The following KANSL1 variants were observed in gnomAD, a reference collection of about 807,000 sequenced individuals.
The protein encoded by KANSL1 is MLL1/MLL complex subunit KANSL1.
KANSL1 carries 22 observed loss-of-function variants against 103.6 expected under a neutral mutation model. The ratio of observed to expected loss-of-function variants is 0.21; its 90% CI spans 0.15 to 0.30. The LOEUF (loss-of-function observed/expected upper bound fraction) is 0.30, where lower values mean the gene tolerates loss of function less well. Among genes scored for constraint, KANSL1 ranks in the 10% least tolerant of loss-of-function variants. The probability of loss-of-function intolerance (pLI) is 1.00; values close to 1 mark genes in which losing one functional copy is unlikely to be tolerated. For missense variants in KANSL1, 1,337 were observed against 1,399.8 expected (o/e 0.96, Z 0.72); for synonymous variants, 600 against 527.6 (o/e 1.14, Z -1.88).
chr17:46,032,784 T>C (rs904603605), intron 13 of KANSL1, among the ~76,000 whole-genome samples: 3 of 152,100 alleles, frequency 2.0e-5, no homozygotes, highest in African/African-American at 7.2e-5. Context: ...GCTCCCCGGG[T>C]TGAATCACCA....
chr17:46,119,407 A>G (rs1250936321), intron 2 of KANSL1, among the ~76,000 whole-genome samples: 4 of 151,668 alleles, frequency 2.6e-5, no homozygotes, highest in East Asian at 1.9e-4. Flanking sequence ...TCCCAGGTTC[A>G]ACTGATCTCG....
intron 6 of KANSL1, among the ~76,000 whole-genome samples, chr17:46,063,917 T>C (rs2078272057): frequency 6.8e-6 from 1 of 147,124 alleles, no homozygotes; most frequent in South Asian, 2.1e-4. Context: ...TTTTTTAAAA[T>C]GTAAAAGCAT....
intron 5 of KANSL1, 41 bp from the exon 6 acceptor site, chr17:46,066,773 GAAAC>G: frequency 7.0e-7 from 1 of 1,423,698 alleles, no homozygotes; most frequent in Non-Finnish European, 9.7e-7. Flanking sequence ...AACACACAAA[GAAAC>G]AAAATAAATA....
chr17:46,071,203 T>C (rs896291845), intron 4 of KANSL1, among the ~76,000 whole-genome samples: 2 of 152,140 alleles, frequency 1.3e-5, no homozygotes, highest in African/African-American at 4.8e-5. Flanking sequence ...AGGCAACACA[T>C]TATTAACATG....
At position 46,066,526 on chromosome 17, in the gene KANSL1, T is replaced by C. The variant is rs746346402; in HGVS notation, c.1848+11A>G. On this transcript the variant is annotated intron_variant, in intron 6 of 14. Transcript: ENST00000432791. ...ACTGCTTGACAATGACCAACTCTCA[T>C]CTGTACCGACCTTCTTGGAAAGAGG... is the stretch of plus-strand genomic sequence containing the variant. 1.9e-6 allele frequency: 3 copies of C among 1,602,498 alleles called. No homozygotes were observed. The highest frequency in any genetic ancestry group is 2.6e-6 in the Non-Finnish European group (3 of 1,172,782).
At chr17:46,041,878 T>TGTGTG (rs1555734994) in intron 7 of KANSL1, 3 of 122,648 alleles carry the variant, frequency 2.4e-5, no homozygotes, top group African/African-American at 8.3e-5. Flanking sequence ...GAAATTTATT[T>TGTGTG]TGTGTGTGTG....
intron 7 of KANSL1, 106 bp from the exon 8 acceptor site, chr17:46,039,990 G>GCCCT: frequency 1.0e-6 from 1 of 956,688 alleles, no homozygotes; most frequent in Non-Finnish European, 1.6e-6. Context: ...CCTGACACTT[G>GCCCT]GCAGGGCAAG....
At chr17:46,172,868 A>G (rs1347806408) in intron 1 of KANSL1, among the ~76,000 whole-genome samples, 1 of 152,194 alleles carries the variant, frequency 6.6e-6, no homozygotes, top group Non-Finnish European at 1.5e-5. Flanking sequence ...CAGCCTAGGA[A>G]TTTACTCAAG....
chr17:46,133,543 GA>G (rs1365319263), intron 2 of KANSL1, among the ~76,000 whole-genome samples: 1 of 152,216 alleles, frequency 6.6e-6, no homozygotes, highest in Non-Finnish European at 1.5e-5. Flanking sequence ...ATAAGTGAAA[GA>G]AAATTTGCTA....
chr17:46,039,687 C>T lies in KANSL1; in HGVS notation c.2203+15G>A. The T allele has an allele frequency of 3.7e-6, 6 of 1,605,008 alleles. No homozygotes were observed. The highest frequency in any genetic ancestry group is 5.1e-6 in the Non-Finnish European group (6 of 1,175,074). ...ACTGATACTCTGGGGGACTTCCCGG[C>T]TCCCTGACACTTACTGGCTGTTGTT... On this transcript the variant is annotated intron_variant, in intron 8 of 14. Coordinates refer to ENST00000432791, the MANE Select transcript of KANSL1 (RefSeq NM_015443.4).
At chr17:46,144,115 T>C (rs989780612) in intron 2 of KANSL1, among the ~76,000 whole-genome samples, 48 of 152,314 alleles carry the variant, frequency 3.2e-4, no homozygotes, top group African/African-American at 1.1e-3. Context: ...AAATTATAAT[T>C]AGGTCAAGGA....
intron 2 of KANSL1, among the ~76,000 whole-genome samples, chr17:46,130,310 A>G (rs1668984562): frequency 6.6e-6 from 1 of 152,146 alleles, no homozygotes; most frequent in Non-Finnish European, 1.5e-5. Flanking sequence ...TTTTCCCTTT[A>G]AGTGTTTCCC....
intron 2 of KANSL1, among the ~76,000 whole-genome samples, chr17:46,104,257 T>C (rs1335300780): frequency 3.9e-5 from 6 of 152,208 alleles, no homozygotes; most frequent in Admixed American, 2.6e-4. Context: ...TTATATACTC[T>C]GCCTAGCACA....
intron 8 of KANSL1, chr17:46,039,445 G>A (rs900022567): frequency 1.8e-5 from 11 of 602,624 alleles, no homozygotes; most frequent in Non-Finnish European, 2.8e-5. Flanking sequence ...GCCCGTAGAT[G>A]AACTCAATGC....
At chr17:46,190,718 C>T (rs1204812739) in intron 1 of KANSL1, among the ~76,000 whole-genome samples, 1 of 152,230 alleles carries the variant, frequency 6.6e-6, no homozygotes, top group African/African-American at 2.4e-5. Flanking sequence ...AAGTCAATCA[C>T]CTCAAATTAT....
intron 2 of KANSL1, among the ~76,000 whole-genome samples, chr17:46,147,004 A>C (rs1339256130): frequency 6.6e-6 from 1 of 152,150 alleles, no homozygotes; most frequent in Non-Finnish European, 1.5e-5. Flanking sequence ...GCCCAGCCTG[A>C]GCAACACAGT....
intron 3 of KANSL1, among the ~76,000 whole-genome samples, chr17:46,092,701 TG>T (rs949385825): frequency 2.9e-5 from 3 of 104,994 alleles, no homozygotes; most frequent in South Asian, 2.7e-4. Context: ...GCTGTTGGGT[TG>T]TTTTTTTTTT....
intron 2 of KANSL1, among the ~76,000 whole-genome samples, chr17:46,164,122 TTG>T (rs1427586726): frequency 1.8e-5 from 2 of 112,906 alleles, no homozygotes; most frequent in Non-Finnish European, 4.8e-5. Flanking sequence ...CTGTTATCTC[TTG>T]TGTCTTACAC....
chr17:46,123,145 G>A (rs536118956), intron 2 of KANSL1, among the ~76,000 whole-genome samples: 6 of 152,246 alleles, frequency 3.9e-5, no homozygotes, highest in South Asian at 2.1e-4. Context: ...GGGAGGCGGC[G>A]GCAGGCGGAT....
Sources: allele counts gnomAD v4.1 joint callset (sites outside exome capture counted in the v4.1 genomes callset), GRCh38; gene constraint gnomAD v4.1.1; transcripts MANE v1.5; gene names NCBI Gene and HGNC (gene_info 2026-07-23, HGNC 2026-07-21).